Variants in BCL9 observed in about 807,000 individuals in gnomAD.
The protein encoded by BCL9 is BCL9 transcription coactivator, also known as B-cell CLL/lymphoma 9 protein.
BCL9 carries 25 observed loss-of-function variants against 88.5 expected under a neutral mutation model. The ratio of observed to expected loss-of-function variants is 0.28; its 90% CI spans 0.21 to 0.39. The LOEUF is 0.39. BCL9 is among the 10% of genes least tolerant of loss of function. The probability of loss-of-function intolerance (pLI) is 1.00; values close to 1 mark genes in which losing one functional copy is unlikely to be tolerated. For synonymous variants in BCL9, 711 were observed against 673.3 expected (o/e 1.06, Z -0.87); for missense variants, 1,817 against 1,877.8 (o/e 0.97, Z 0.60).
Position 147,573,598 on chromosome 1 carries a change from C to T in BCL9, c.-477-31179C>T, listed in dbSNP as rs587647728. On this transcript the variant is annotated intron_variant, in intron 1 of 9. Transcript: ENST00000234739. ...TGAGACCGGGGTTCAATTTCTGACC[C>T]TGTCATTTAATAGAAGTGAGGGTTT... Among the ~76,000 whole-genome samples the T allele has an allele frequency of 3.3e-5, 5 of 152,274 alleles. No homozygotes were observed. In the South Asian group the frequency reaches 6.2e-4, roughly 19 times the overall value.
intron 1 of BCL9, among the ~76,000 whole-genome samples, chr1:147,573,157 A>G (rs1269874855): frequency 6.6e-6 from 1 of 152,194 alleles, no homozygotes. Flanking sequence ...ATATTGTTAA[A>G]AACAAGGTTG....
In BCL9 at chr1:147,624,774, G is replaced by GC; in HGVS notation, c.4098dup (p.Gly1367ArgfsTer42). ...GATTCCTGGCAAGGATCGGGGGCCT[G>GC]CCGGGCTCTACACCCACCCTGGGCC... On this transcript the variant is annotated frameshift_variant, in exon 10 of 10. Coordinates refer to ENST00000234739, the MANE Select transcript of BCL9 (RefSeq NM_004326.4). LOFTEE classifies it high-confidence loss of function. This position sits in a 1 kb window ranked among gnomAD's most constrained non-coding sequence, Gnocchi z 4.4. 1 of 1,612,792 alleles carries GC rather than the reference G, an allele frequency of 6.2e-7. No individual in the cohort carries two copies. Among genetic ancestry groups the GC allele is most frequent in the Non-Finnish European group, 8.5e-7 (1 of 1,179,390 alleles).
Position 147,619,060 on chromosome 1 carries a change from G to C in BCL9, c.905G>C (p.Gly302Ala). The change falls in exon 8 of 10, where the codon GGT (glycine) becomes GCT (alanine). Residue 302 changes from glycine to alanine, a missense_variant. Around this residue, in one of 2 missense-constraint regions of BCL9, gnomAD observed 1,228 missense variants for 1,191.6 expected, o/e 1.03. Transcript: ENST00000234739. This position sits in a 1 kb window ranked among gnomAD's most constrained non-coding sequence, Gnocchi z 4.1. Reference sequence around the variant, plus strand: ...AGCTCCACTCCACTGCCCCCAGATGGTACTGGGCCCAACTCAACTCCCAAC... The same window carrying C: ...AGCTCCACTCCACTGCCCCCAGATGCTACTGGGCCCAACTCAACTCCCAAC... ...PASSTPLPPD[G>A]TGPNSTPNNR... 1.2e-6 allele frequency: 2 copies of C among 1,612,718 alleles called. No individual in the cohort carries two copies. Among genetic ancestry groups the C allele is most frequent in the Non-Finnish European group, 1.7e-6 (2 of 1,179,306 alleles).
rs587713663 is a variant in BCL9, at chr1:147,581,165, G to A, written c.-477-23612G>A. ...AGTCTTATCTGGTATGTCTTGTCTG[G>A]TATGACAATTGCTTAGATAACACTG... On this transcript the variant is annotated intron_variant, in intron 1 of 9. Coordinates refer to ENST00000234739, the MANE Select transcript of BCL9 (RefSeq NM_004326.4). 3.9e-5 allele frequency among the ~76,000 whole-genome samples: 6 copies of A among 152,230 alleles called. No individual in the cohort carries two copies. In the South Asian group the frequency reaches 1.2e-3, roughly 32 times the overall value.
At chr1:147,614,709 A>G in intron 6 of BCL9, 93 bp downstream of exon 6, 1 of 1,319,776 alleles carries the variant, frequency 7.6e-7, no homozygotes. Context: ...ATTATCACCT[A>G]AAGTTAACAG....
chr1:147,609,517 C>G lies in BCL9; in HGVS notation c.-259-2061C>G, dbSNP rs112064309. ...GAAACCTGGAAGAAGCCATTCACAC[C>G]CCATGTGCTCCATTCATTCATCTCT... On this transcript the variant is annotated intron_variant, in intron 3 of 9. Transcript: ENST00000234739. 7.9e-3 allele frequency among the ~76,000 whole-genome samples: 1,210 copies of G among 152,276 alleles called. 29 individuals carry two copies. Among genetic ancestry groups the G allele is most frequent in the African/African-American group, 0.028 (1,159 of 41,556 alleles).
At chr1:147,543,208 G>A (rs936722221) in intron 1 of BCL9, among the ~76,000 whole-genome samples, 3 of 152,150 alleles carry the variant, frequency 2.0e-5, no homozygotes, top group African/African-American at 7.2e-5. Context: ...ATTGTTTAAA[G>A]GCTCTCAGTT....
chr1:147,625,752 TTTCC>T lies in BCL9; in HGVS notation c.*800_*803del, dbSNP rs1455181300. ...TTTGCTCTGTCTCCTCAGTTAAGTG[TTTCC>T]TTCCTTTGTGCCCCCCGCTGGTGAC... On this transcript the variant is annotated 3_prime_UTR_variant, in exon 10 of 10. Transcript: ENST00000234739. 1 of 233,336 alleles carries T rather than the reference TTTCC, an allele frequency of 4.3e-6. No homozygotes were observed. The highest frequency in any genetic ancestry group is 8.5e-6 in the Non-Finnish European group (1 of 117,892). 14.5% of individuals were successfully genotyped at this position (233,336 alleles called of 1,614,324 possible). A position where few individuals can be genotyped will look rare whatever the true frequency, so the allele number is the denominator to read the frequency against.
At chr1:147,614,353 G>A (rs1032141761) in intron 5 of BCL9, 74 bp from the exon 6 acceptor site, 22 of 1,462,972 alleles carry the variant, frequency 1.5e-5, no homozygotes, top group Non-Finnish European at 2.0e-5. Flanking sequence ...GTGGGTTTGT[G>A]TTGTGATGCT....
At chr1:147,575,841 C>A (rs957591266) in intron 1 of BCL9, among the ~76,000 whole-genome samples, 2 of 151,756 alleles carry the variant, frequency 1.3e-5, no homozygotes, top group African/African-American at 4.9e-5. Context: ...TGTATAAATG[C>A]AGGTAGAACT....
At chr1:147,574,114 G>A (rs1656008388) in intron 1 of BCL9, among the ~76,000 whole-genome samples, 1 of 152,164 alleles carries the variant, frequency 6.6e-6, no homozygotes, top group Non-Finnish European at 1.5e-5. Context: ...CTGAGGCTTA[G>A]GCAGACTAGT....
intron 1 of BCL9, among the ~76,000 whole-genome samples, chr1:147,563,482 G>C (rs1199739751): frequency 6.6e-6 from 1 of 152,204 alleles, no homozygotes; most frequent in Non-Finnish European, 1.5e-5. Flanking sequence ...ATGGGGTTAG[G>C]ACTCAAGAGA....
At chr1:147,546,472 G>A (rs1654600395) in intron 1 of BCL9, among the ~76,000 whole-genome samples, 1 of 152,090 alleles carries the variant, frequency 6.6e-6, no homozygotes, top group South Asian at 2.1e-4. Flanking sequence ...TCTACAAAGT[G>A]CAATGGACCA....
intron 3 of BCL9, among the ~76,000 whole-genome samples, chr1:147,611,008 T>A (rs1329861770): frequency 1.3e-5 from 2 of 152,126 alleles, no homozygotes; most frequent in African/African-American, 2.4e-5. Context: ...GCAGAACTGA[T>A]TGTATTTGAT....
chr1:147,568,488 A>AG (rs1655715193), intron 1 of BCL9, among the ~76,000 whole-genome samples: 8 of 142,072 alleles, frequency 5.6e-5, no homozygotes, highest in Non-Finnish European at 3.2e-5. Flanking sequence ...AAAAGAAAAA[A>AG]AAAACAAGTT....
At chr1:147,613,409 C>G (rs2101610717) in intron 5 of BCL9, among the ~76,000 whole-genome samples, 1 of 152,244 alleles carries the variant, frequency 6.6e-6, no homozygotes, top group Middle Eastern at 3.4e-3. Flanking sequence ...TTGAGGAGTT[C>G]TTGCCCTTAA....
intron 1 of BCL9, among the ~76,000 whole-genome samples, chr1:147,544,467 G>A (rs949861801): frequency 3.9e-5 from 6 of 152,064 alleles, no homozygotes; most frequent in Non-Finnish European, 7.4e-5. Context: ...AATAATATCT[G>A]CTAATCCCCT....
intron 6 of BCL9, among the ~76,000 whole-genome samples, chr1:147,615,145 A>G (rs1658210733): frequency 6.6e-6 from 1 of 152,070 alleles, no homozygotes; most frequent in Non-Finnish European, 1.5e-5. Context: ...CTGGCCATAT[A>G]TACCTCTTTT....
chr1:147,545,345 G>GTGT (rs146651729), intron 1 of BCL9, among the ~76,000 whole-genome samples: 4,296 of 152,278 alleles, frequency 0.028, 108 homozygotes, highest in Non-Finnish European at 0.042. Context: ...CACCCCAAGT[G>GTGT]TGTTACTCAC....
Sources: gnomAD v4.1 joint callset for allele counts (sites outside exome capture counted in the v4.1 genomes callset) on GRCh38, gnomAD v4.1.1 for gene constraint, gnomAD v4.1.1 regional missense constraint, Gnocchi (gnomAD v3.1) non-coding constraint, MANE v1.5 for transcripts, NCBI Gene and HGNC (gene_info 2026-07-23, HGNC 2026-07-21) for gene names.